PIK3C2G: variants seen among roughly 807,000 people sequenced by gnomAD.
PIK3C2G encodes the protein phosphatidylinositol-4-phosphate 3-kinase catalytic subunit type 2 gamma.
Under a neutral mutation model 181.1 loss-of-function variants are expected in PIK3C2G, and 168 were observed. The observed-to-expected ratio is 0.93, with a 90% CI of 0.82 to 1.05. The LOEUF is 1.05. PIK3C2G is among the 50% of genes least tolerant of loss of function. The pLI is 0.00. For synonymous variants in PIK3C2G, 573 were observed against 592.2 expected (o/e 0.97, Z 0.47); for missense variants, 1,869 against 1,732.8 (o/e 1.08, Z -1.40).
In PIK3C2G at chr12:18,609,851, A is replaced by T. The variant is rs1366547330; in HGVS notation, c.4182+222A>T. 2.0e-5 allele frequency among the ~76,000 whole-genome samples: 3 copies of T among 152,094 alleles called. No individual in the cohort carries two copies. In the East Asian group the frequency reaches 5.8e-4, roughly 29 times the overall value. ...CAAGGAAAGTCCTAGAATGAACATTAAACTTTATTCAAAATGTCAGGAAAA... is the reference window on the plus strand; with the variant it reads ...CAAGGAAAGTCCTAGAATGAACATTTAACTTTATTCAAAATGTCAGGAAAA... On this transcript the variant is annotated intron_variant, in intron 31 of 32. Coordinates refer to ENST00000538779, the MANE Select transcript of PIK3C2G (RefSeq NM_001288772.2).
At chr12:18,521,705 C>G (rs1176111546) in intron 24 of PIK3C2G, among the ~76,000 whole-genome samples, 1 of 152,200 alleles carries the variant, frequency 6.6e-6, no homozygotes, top group Non-Finnish European at 1.5e-5. Flanking sequence ...TGTTAGGTAG[C>G]TCTATCCCAG....
At chr12:18,638,294 A>G (rs962429357) in intron 31 of PIK3C2G, among the ~76,000 whole-genome samples, 1 of 152,190 alleles carries the variant, frequency 6.6e-6, no homozygotes, top group African/African-American at 2.4e-5. Context: ...TTGCTCAGAC[A>G]GTGCAGAGCT....
At chr12:18,390,147 A>C (rs1284673932) in intron 14 of PIK3C2G, among the ~76,000 whole-genome samples, 1 of 152,196 alleles carries the variant, frequency 6.6e-6, no homozygotes, top group Non-Finnish European at 1.5e-5. Flanking sequence ...TATCAAAAAC[A>C]AAACTTATAA....
At chr12:18,543,685 AGATCAGAT>A (rs1282031652) in intron 25 of PIK3C2G, among the ~76,000 whole-genome samples, 1 of 151,960 alleles carries the variant, frequency 6.6e-6, no homozygotes, top group Non-Finnish European at 1.5e-5. Flanking sequence ...GCTTAGTAAA[AGATCAGAT>A]GATCATAATT....
rs141622774 is a variant in PIK3C2G, at chr12:18,514,737, T to G, written c.3323+9276T>G. Among the ~76,000 whole-genome samples, 4 of 152,062 alleles carry G rather than the reference T, an allele frequency of 2.6e-5. No homozygotes were observed. The East Asian group carries it at 7.7e-4, about 29-fold the overall frequency. On this transcript the variant is annotated intron_variant, in intron 24 of 32. Coordinates refer to ENST00000538779, the MANE Select transcript of PIK3C2G (RefSeq NM_001288772.2). ...TCCTATTTGAATGTTCTTTTTTTCT[T>G]TCTCTTGCCAAATTGCTCTGAGTAG...
the PIK3C2G span, among the ~76,000 whole-genome samples, chr12:18,663,952 T>C: frequency 2.0e-5 from 3 of 152,128 alleles, no homozygotes; most frequent in Admixed American, 2.0e-4. Context: ...TGAATAGACA[T>C]TTCTCCAAAG....
At chr12:18,703,607 G>A in the PIK3C2G span, among the ~76,000 whole-genome samples, 1 of 152,150 alleles carries the variant, frequency 6.6e-6, no homozygotes, top group African/African-American at 2.4e-5. Flanking sequence ...AGAATGTTAA[G>A]CAAACCCCTT....
At chr12:18,586,431 GACTT>G (rs978307303) in intron 29 of PIK3C2G, among the ~76,000 whole-genome samples, 2 of 152,116 alleles carry the variant, frequency 1.3e-5, no homozygotes, top group African/African-American at 4.8e-5. Context: ...AACCATCAGA[GACTT>G]ACTTATGAGC....
At chr12:18,500,538 C>T (rs1941377376) in intron 22 of PIK3C2G, among the ~76,000 whole-genome samples, 2 of 152,296 alleles carry the variant, frequency 1.3e-5, no homozygotes, top group South Asian at 2.1e-4. Flanking sequence ...GGGCGCACGG[C>T]GCAGGACTGG....
In PIK3C2G at chr12:18,280,892, T is replaced by C. The variant is rs548276804; in HGVS notation, c.-78-1112T>C. Among the ~76,000 whole-genome samples the C allele has an allele frequency of 2.6e-5, 4 of 152,076 alleles. No homozygotes were observed. In the East Asian group the frequency reaches 7.7e-4, roughly 29 times the overall value. ...AAGATAGATTTAAGATATATTTATG[T>C]AGTACATCCTACAAGGACTGGTGGA... On this transcript the variant is annotated intron_variant, in intron 1 of 32. Transcript: ENST00000538779.
chr12:18,528,562 AT>A (rs1205669209), intron 24 of PIK3C2G, among the ~76,000 whole-genome samples: 1 of 152,174 alleles, frequency 6.6e-6, no homozygotes, highest in Non-Finnish European at 1.5e-5. Context: ...GCATACTTTT[AT>A]TTACTGACTT....
At chr12:18,262,076 T>G (rs572383388) in intron 1 of PIK3C2G, among the ~76,000 whole-genome samples, 1 of 152,240 alleles carries the variant, frequency 6.6e-6, no homozygotes, top group African/African-American at 2.4e-5. Flanking sequence ...GGATCCAAAC[T>G]AGAAGCAACT....
At chr12:18,699,690 T>G in the PIK3C2G span, 1 of 1,244,112 alleles carries the variant, frequency 8.0e-7, no homozygotes, top group South Asian at 1.2e-5. Flanking sequence ...TGTTGAAATT[T>G]TATGAGAATA....
downstream of PIK3C2G, among the ~76,000 whole-genome samples, chr12:18,652,949 A>G (rs192532775): frequency 4.1e-3 from 597 of 146,562 alleles, 1 homozygote; most frequent in African/African-American, 0.016. Context: ...GAGAGAGAGA[A>G]AGAGAGAGAC....
intron 29 of PIK3C2G, among the ~76,000 whole-genome samples, chr12:18,578,800 T>C (rs1291162919): frequency 6.6e-6 from 1 of 152,118 alleles, no homozygotes; most frequent in East Asian, 1.9e-4. Flanking sequence ...ACGTCTTAGA[T>C]GTTTTCATGC....
At chr12:18,589,954 A>G (rs1000298131) in intron 29 of PIK3C2G, among the ~76,000 whole-genome samples, 2 of 151,872 alleles carry the variant, frequency 1.3e-5, no homozygotes, top group Non-Finnish European at 2.9e-5. Context: ...CCTGTACCCC[A>G]TCAGCACTCT....
chr12:18,404,614 C>T (rs561066583), intron 16 of PIK3C2G, among the ~76,000 whole-genome samples: 9 of 152,158 alleles, frequency 5.9e-5, no homozygotes, highest in Admixed American at 3.9e-4. Context: ...AAATGACATT[C>T]CAAGAAGGAA....
At chr12:18,645,966 G>A (rs1950108596) in intron 32 of PIK3C2G, among the ~76,000 whole-genome samples, 1 of 152,086 alleles carries the variant, frequency 6.6e-6, no homozygotes, top group South Asian at 2.1e-4. Context: ...TGAACATGAT[G>A]TAGGAAGAAA....
At chr12:18,527,662 C>T (rs1319953949) in intron 24 of PIK3C2G, among the ~76,000 whole-genome samples, 1 of 118,114 alleles carries the variant, frequency 8.5e-6, no homozygotes, top group East Asian at 2.9e-4. Context: ...GCTCTTTCCT[C>T]TAAACTCAAC....
Sources: gnomAD v4.1 joint callset for allele counts (sites outside exome capture counted in the v4.1 genomes callset) on GRCh38, gnomAD v4.1.1 for gene constraint, MANE v1.5 for transcripts, NCBI Gene and HGNC (gene_info 2026-07-23, HGNC 2026-07-21) for gene names.